The following SEC14L5 variants were observed in gnomAD, a reference collection of about 807,000 sequenced individuals.
SEC14L5 encodes the protein SEC14-like protein 5.
SEC14L5 carries 96 observed loss-of-function variants against 84.6 expected under a neutral mutation model. The observed-to-expected ratio is 1.13, with a 90% confidence interval of 0.96 to 1.34. The LOEUF is 1.34. SEC14L5 is among the 40% of genes most tolerant of loss of function. The pLI is 0.00. For synonymous variants in SEC14L5, 546 were observed against 383.4 expected, an observed-to-expected ratio of 1.42 and a Z score of -4.95; for missense variants, 1,224 against 942.5, an observed-to-expected ratio of 1.30 and a Z score of -3.91.
chr16:5,011,753 C>T (rs140237956), intron 15 of SEC14L5, among the ~76,000 whole-genome samples: 1 of 152,310 alleles, frequency 6.6e-6, no homozygotes, highest in East Asian at 1.9e-4. Flanking sequence ...CCTCTTTGAG[C>T]CTCAGGTGCT....
chr16:4,965,577 T>C (rs969690575), intron 2 of SEC14L5, among the ~76,000 whole-genome samples: 10 of 127,210 alleles, frequency 7.9e-5, no homozygotes, highest in Non-Finnish European at 1.1e-4. Context: ...AGGAGAATGG[T>C]GTGAAACCGG....
At chr16:4,998,720 A>T (rs1955642527) in intron 8 of SEC14L5, among the ~76,000 whole-genome samples, 1 of 139,896 alleles carries the variant, frequency 7.1e-6, no homozygotes, top group Non-Finnish European at 1.5e-5. Context: ...CCTGGGCGAC[A>T]GAGCGAGACT....
intron 2 of SEC14L5, among the ~76,000 whole-genome samples, chr16:4,959,607 T>C (rs1205279850): frequency 6.6e-6 from 1 of 152,086 alleles, no homozygotes; most frequent in Non-Finnish European, 1.5e-5. Context: ...TCCTTCTCCT[T>C]GTTGAAGCTG....
chr16:4,991,726 C>T (rs1426973284), intron 5 of SEC14L5, 112 bp from the exon 6 acceptor site: 1 of 611,004 alleles, frequency 1.6e-6, no homozygotes, highest in East Asian at 3.1e-5. Context: ...ACTCAATAGC[C>T]ACGTGTCGGG....
chr16:4,981,866 C>T (rs1596623125), intron 2 of SEC14L5, among the ~76,000 whole-genome samples: 1 of 152,142 alleles, frequency 6.6e-6, no homozygotes, highest in African/African-American at 2.4e-5. Context: ...CAGTCTGAAC[C>T]CCTCCAGCCT....
At chr16:5,004,868 C>G (rs1395947282) in intron 11 of SEC14L5, among the ~76,000 whole-genome samples, 1 of 152,184 alleles carries the variant, frequency 6.6e-6, no homozygotes, top group Non-Finnish European at 1.5e-5. Flanking sequence ...CTGTGGAATA[C>G]TGTTCCATCC....
intron 2 of SEC14L5, among the ~76,000 whole-genome samples, chr16:4,965,004 T>G (rs1955179656): frequency 6.6e-6 from 1 of 152,200 alleles, no homozygotes; most frequent in East Asian, 1.9e-4. Flanking sequence ...GTGCTAGGAT[T>G]ACAGGTGTGA....
At chr16:4,965,589 A>G (rs1484182450) in intron 2 of SEC14L5, among the ~76,000 whole-genome samples, 1 of 121,046 alleles carries the variant, frequency 8.3e-6, no homozygotes, top group Non-Finnish European at 1.6e-5. Context: ...TGAAACCGGG[A>G]GGCGGAGCTT....
At chr16:5,003,607 GGGGGTGGGT>G in intron 11 of SEC14L5, 34 bp downstream of exon 11, 3 of 1,141,050 alleles carry the variant, frequency 2.6e-6, no homozygotes, top group Non-Finnish European at 3.8e-6. Context: ...GACTCTCCCT[GGGGGTGGGT>G]GGGATGGGAG....
intron 2 of SEC14L5, among the ~76,000 whole-genome samples, chr16:4,960,098 C>T (rs956845452): frequency 3.9e-5 from 6 of 152,184 alleles, no homozygotes; most frequent in Admixed American, 1.3e-4. Flanking sequence ...AGATCCTTGG[C>T]CCCCAGGATC....
chr16:4,990,199 A>G (rs1955538026), intron 4 of SEC14L5, among the ~76,000 whole-genome samples: 3 of 151,664 alleles, frequency 2.0e-5, no homozygotes, highest in East Asian at 2.0e-4. Context: ...GTCTTGCTCT[A>G]TTACCCAGGC....
intron 2 of SEC14L5, among the ~76,000 whole-genome samples, chr16:4,969,593 A>C (rs1470735358): frequency 1.3e-5 from 2 of 151,858 alleles, no homozygotes; most frequent in Admixed American, 1.3e-4. Flanking sequence ...CACATTGGTC[A>C]GGCTGGTCTT....
intron 2 of SEC14L5, among the ~76,000 whole-genome samples, chr16:4,969,748 A>G (rs769158516): frequency 1.3e-5 from 2 of 150,162 alleles, no homozygotes; most frequent in Non-Finnish European, 3.0e-5. Flanking sequence ...ACTTGTTTAT[A>G]TGGGTATTTT....
In SEC14L5 at chr16:4,997,191, C is replaced by G. The variant is rs185535987; in HGVS notation, c.970+147C>G. On this transcript the variant is annotated intron_variant, in intron 8 of 15. Coordinates refer to ENST00000251170, the MANE Select transcript of SEC14L5 (RefSeq NM_014692.2). ...TCGGCTCACCATAATCTCCGCTTCC[C>G]GGGTTCAAGCAATTCTCCTGCCTCA... 212 of 516,680 alleles carry G rather than the reference C, an allele frequency of 4.1e-4. 1 individual carries two copies. Among genetic ancestry groups the G allele is most frequent in the African/African-American group, 3.9e-3 (193 of 49,826 alleles). 32.0% of individuals were successfully genotyped at this position (516,680 alleles called of 1,614,324 possible). A position where few individuals can be genotyped will look rare whatever the true frequency, so the allele number is the denominator to read the frequency against.
intron 2 of SEC14L5, among the ~76,000 whole-genome samples, chr16:4,962,660 C>T (rs1254783074): frequency 7.2e-6 from 1 of 138,462 alleles, no homozygotes; most frequent in African/African-American, 2.6e-5. Context: ...TGCACTCCAG[C>T]CTGGGGGAAG....
intron 3 of SEC14L5, 128 bp downstream of exon 3, chr16:4,987,834 T>C (rs1955509284): frequency 4.1e-6 from 3 of 733,888 alleles, no homozygotes; most frequent in African/African-American, 1.8e-5. Flanking sequence ...TGAGTTGATA[T>C]TTGGATGGAG....
rs765141400 is a variant in SEC14L5 at position 5,006,022 on chromosome 16, C to A, written c.1411C>A (p.Pro471Thr). The A allele has an allele frequency of 6.2e-7, 1 of 1,613,866 alleles. No individual in the cohort carries two copies. ...LVDYLDREVI[P>T]DFLGGESVCN... ...GGACTATCTGGATAGAGAAGTGATCCCTGACTTCCTTGGGGGAGAGAGTGT... is the reference window on the plus strand; with the variant it reads ...GGACTATCTGGATAGAGAAGTGATCACTGACTTCCTTGGGGGAGAGAGTGT... Residue 471 changes from proline to threonine, a missense_variant, in exon 12 of 16, where the codon CCT (proline) becomes ACT (threonine). By Grantham distance (38) the Pro-to-Thr change is conservative. Transcript: ENST00000251170.
intron 10 of SEC14L5, 104 bp downstream of exon 10, chr16:5,001,029 T>C (rs1955671144): frequency 5.7e-6 from 5 of 883,698 alleles, no homozygotes; most frequent in Non-Finnish European, 9.1e-6. Flanking sequence ...TGCCAGGGGC[T>C]TCATTCTCCC....
chr16:4,961,112 A>G (rs1955115457), intron 2 of SEC14L5, among the ~76,000 whole-genome samples: 1 of 152,102 alleles, frequency 6.6e-6, no homozygotes, highest in Non-Finnish European at 1.5e-5. Flanking sequence ...TCAACTAAAA[A>G]TACAAGAAAA....
Sources: allele counts gnomAD v4.1 joint callset (sites outside exome capture counted in the v4.1 genomes callset), GRCh38; gene constraint gnomAD v4.1.1; transcripts MANE v1.5; gene names NCBI Gene and HGNC (gene_info 2026-07-23, HGNC 2026-07-21).